The following LINGO2 variants were observed in gnomAD, a reference collection of about 807,000 sequenced individuals.
LINGO2 encodes leucine-rich repeat and immunoglobulin-like domain-containing nogo receptor-interacting protein 2.
LINGO2 carries 14 observed loss-of-function variants against 30.6 expected under a neutral mutation model. That is an observed-to-expected ratio of 0.46 (90% CI 0.30 to 0.72). LINGO2 has a LOEUF of 0.72. Among genes scored for constraint, LINGO2 ranks in the 30% least tolerant of loss-of-function variants. The probability of loss-of-function intolerance (pLI) is 0.07; values close to 1 mark genes in which losing one functional copy is unlikely to be tolerated. For synonymous variants in LINGO2, 317 were observed against 288.5 expected, an observed-to-expected ratio of 1.10 and a Z score of -1.00; for missense variants, 729 against 751.7, an observed-to-expected ratio of 0.97 and a Z score of 0.35.
intron 1 of LINGO2, chr9:28,598,907 T>TC (rs1350543406): frequency 6.6e-6 from 1 of 152,156 alleles, no homozygotes; most frequent in Non-Finnish European, 1.5e-5. Context: ...GCAAATTCAG[T>TC]CCCCTATAAC....
intron 4 of LINGO2, among the ~76,000 whole-genome samples, chr9:28,194,454 T>C (rs1819935965): frequency 6.6e-6 from 1 of 151,670 alleles, no homozygotes; most frequent in South Asian, 2.1e-4. Context: ...AACTAATCAA[T>C]TGTGGATCTG....
In LINGO2 at chr9:28,628,993, A is replaced by G. The variant is rs150089036; in HGVS notation, c.-365+41207T>C. On this transcript the variant is annotated intron_variant, in intron 1 of 5. Coordinates refer to ENST00000379992, the Ensembl canonical transcript of LINGO2. ...TAGGTCCATTATCTTATTTTATACA[A>G]TGAGTAGCATTTATGCATTTATTGA... is the stretch of plus-strand genomic sequence containing the variant. Among the ~76,000 whole-genome samples, 386 of 152,210 alleles carry G rather than the reference A, an allele frequency of 2.5e-3. 1 individual carries two copies. The highest frequency in any genetic ancestry group is 9.1e-3 in the African/African-American group (376 of 41,546).
intron 4 of LINGO2, among the ~76,000 whole-genome samples, chr9:28,045,616 T>C (rs1188711767): frequency 1.3e-5 from 2 of 152,206 alleles, no homozygotes; most frequent in East Asian, 3.9e-4. Context: ...CTAGAGGATT[T>C]TCTTCTTACT....
At chr9:28,276,716 A>G (rs1434673200) in intron 4 of LINGO2, among the ~76,000 whole-genome samples, 1 of 152,186 alleles carries the variant, frequency 6.6e-6, no homozygotes, top group Non-Finnish European at 1.5e-5. Context: ...TATATTATCT[A>G]GTGATTAACT....
the LINGO2 span, among the ~76,000 whole-genome samples, chr9:29,128,247 C>G: frequency 9.0e-4 from 137 of 152,168 alleles, 1 homozygote; most frequent in East Asian, 0.023. Context: ...CAACTCCAGA[C>G]CTTAACATCT....
chr9:28,279,225 A>G (rs1160119225), intron 4 of LINGO2, among the ~76,000 whole-genome samples: 4 of 152,218 alleles, frequency 2.6e-5, no homozygotes, highest in Non-Finnish European at 5.9e-5. Context: ...TGCTGTGAAC[A>G]TTGGTGAAAT....
chr9:28,802,937 T>C, the LINGO2 span, among the ~76,000 whole-genome samples: 1 of 152,050 alleles, frequency 6.6e-6, no homozygotes, highest in South Asian at 2.1e-4. Flanking sequence ...CGGGAGTCAA[T>C]GATTTCTTCT....
At chr9:29,190,401 C>T in the LINGO2 span, among the ~76,000 whole-genome samples, 1 of 152,048 alleles carries the variant, frequency 6.6e-6, no homozygotes, top group Non-Finnish European at 1.5e-5. Flanking sequence ...TACTTGATAT[C>T]CTGGCAATAA....
At chr9:28,364,314 G>A (rs1243623509) in intron 3 of LINGO2, among the ~76,000 whole-genome samples, 1 of 151,574 alleles carries the variant, frequency 6.6e-6, no homozygotes, top group Admixed American at 6.6e-5. Flanking sequence ...TCTGTTCTGA[G>A]TGTCATCATC....
At chr9:28,499,552 A>T (rs958258624) in intron 1 of LINGO2, among the ~76,000 whole-genome samples, 1 of 152,218 alleles carries the variant, frequency 6.6e-6, no homozygotes. Flanking sequence ...TTTCAAACCC[A>T]GACTTCCCAT....
At chr9:28,544,195 A>G (rs1217789002) in intron 1 of LINGO2, among the ~76,000 whole-genome samples, 1 of 151,686 alleles carries the variant, frequency 6.6e-6, no homozygotes, top group Admixed American at 6.6e-5. Context: ...AGGAATAAAA[A>G]CCAATCTCAA....
intron 3 of LINGO2, among the ~76,000 whole-genome samples, chr9:28,348,463 C>A (rs974192834): frequency 6.6e-6 from 1 of 152,178 alleles, no homozygotes; most frequent in Non-Finnish European, 1.5e-5. Flanking sequence ...CGGCACACCA[C>A]GAGATTATAT....
At chr9:28,644,542 G>A (rs10968698) in intron 1 of LINGO2, among the ~76,000 whole-genome samples, 37,430 of 151,262 alleles carry the variant, frequency 0.25, 5,059 homozygotes, top group African/African-American at 0.35. Flanking sequence ...GTAGTAGGGG[G>A]AGGGTAGTGA....
intron 1 of LINGO2, among the ~76,000 whole-genome samples, chr9:28,640,018 G>A (rs377455440): frequency 6.6e-6 from 1 of 152,058 alleles, no homozygotes; most frequent in Non-Finnish European, 1.5e-5. Flanking sequence ...CAGGCCTGGT[G>A]GTGACAAAAT....
chr9:28,693,910 A>G, the LINGO2 span, among the ~76,000 whole-genome samples: 1 of 152,066 alleles, frequency 6.6e-6, no homozygotes, highest in Non-Finnish European at 1.5e-5. Context: ...CAAAGTATAT[A>G]CATATGCTAT....
chr9:28,746,671 C>A, the LINGO2 span, among the ~76,000 whole-genome samples: 11 of 151,914 alleles, frequency 7.2e-5, no homozygotes, highest in African/African-American at 2.4e-4. Context: ...TTACCTACTC[C>A]ACTTTTTTGA....
intron 3 of LINGO2, among the ~76,000 whole-genome samples, chr9:28,305,125 C>A (rs1824293376): frequency 6.6e-6 from 1 of 151,924 alleles, no homozygotes; most frequent in Admixed American, 6.6e-5. Context: ...AAAATAAAAA[C>A]CATATGATCA....
At chr9:28,469,205 G>C (rs1398598431) in intron 2 of LINGO2, among the ~76,000 whole-genome samples, 1 of 150,564 alleles carries the variant, frequency 6.6e-6, no homozygotes, top group Non-Finnish European at 1.5e-5. Flanking sequence ...CCTTGAACAA[G>C]CAAAGAAAAG....
chr9:28,021,939 A>C (rs1167772773), intron 4 of LINGO2, among the ~76,000 whole-genome samples: 1 of 152,056 alleles, frequency 6.6e-6, no homozygotes, highest in Non-Finnish European at 1.5e-5. Context: ...AAAATGTTCC[A>C]TAATTACTGC....
Sources: allele counts gnomAD v4.1 joint callset (sites outside exome capture counted in the v4.1 genomes callset), GRCh38; gene constraint gnomAD v4.1.1; transcripts MANE v1.5; gene names NCBI Gene and HGNC (gene_info 2026-07-23, HGNC 2026-07-21).